Variants in MGAM observed in about 807,000 individuals in gnomAD.
MGAM encodes alpha-1,4-glucosidase.
In MGAM, 253 loss-of-function variants were observed where a neutral mutation model predicts 358.8. That is an observed-to-expected ratio of 0.71 (90% confidence interval 0.64 to 0.78). The LOEUF (loss-of-function observed/expected upper bound fraction) is 0.78, where lower values mean the gene tolerates loss of function less well. Among genes scored for constraint, MGAM ranks in the 30% least tolerant of loss-of-function variants. The pLI, the probability that MGAM is intolerant of heterozygous loss-of-function variation, is 0.00. For missense variants in MGAM, 3,080 were observed against 3,432.6 expected (o/e 0.90, Z 2.57); for synonymous variants, 1,105 against 1,227.1 (o/e 0.90, Z 2.08).
rs201495393 is a variant in MGAM at position 142,055,542 on chromosome 7, C to T, written c.3315-16C>T. ...AAGCTCATTTTCTGTTTCAAATCTG[C>T]GTTTTTGTGTTTCAGTTGGGACTCT... On this transcript the variant is annotated splice_polypyrimidine_tract_variant and intron_variant, in intron 27 of 70. Transcript: ENST00000475668. 1.6e-4 allele frequency: 254 copies of T among 1,613,846 alleles called. No homozygotes were observed. Among genetic ancestry groups the T allele is most frequent in the African/African-American group, 9.9e-4 (74 of 75,014 alleles).
chr7:141,992,399 C>G (rs1803986480), upstream of MGAM, among the ~76,000 whole-genome samples: 1 of 152,104 alleles, frequency 6.6e-6, no homozygotes, highest in Non-Finnish European at 1.5e-5. Context: ...TCTCAATTTC[C>G]TCTTCTGTAA....
At chr7:142,063,609 ACTGGCAGAGC>A in intron 36 of MGAM, 23 bp downstream of exon 36, 1 of 1,609,498 alleles carries the variant, frequency 6.2e-7, no homozygotes. Context: ...GGCCTCCTTG[ACTGGCAGAGC>A]CATGACTGGA....
chr7:142,082,168 G>T lies in MGAM; in HGVS notation c.6129G>T (p.Glu2043Asp). 1.3e-6 allele frequency: 2 copies of T among 1,555,514 alleles called. No individual in the cohort carries two copies. Among genetic ancestry groups the T allele is most frequent in the Non-Finnish European group, 1.8e-6 (2 of 1,132,408 alleles). The change falls in exon 51 of 71, where the codon GAG becomes GAT. Residue 2043 changes from glutamate (E) to aspartate (D), a missense_variant. Glu to Asp is a conservative substitution (Grantham distance 45, BLOSUM62 2). Coordinates refer to ENST00000475668, the MANE Select transcript of MGAM (RefSeq NM_001365693.1). ...TEHTSYRRDL[E>D]WHTWGMFSRD... Reference sequence around the variant, plus strand: ...ACACGTCCTACAGGAGAGACTTGGAGTGGCACACTTGGGGGATGTTCTCCC... The same window carrying T: ...ACACGTCCTACAGGAGAGACTTGGATTGGCACACTTGGGGGATGTTCTCCC...
chr7:142,069,601 G>A (rs1354371132), intron 43 of MGAM, among the ~76,000 whole-genome samples: 2 of 145,588 alleles, frequency 1.4e-5, no homozygotes, highest in Non-Finnish European at 3.1e-5. Flanking sequence ...AGTGAAAAGT[G>A]GAGAAGGATG....
chr7:142,063,359 A>G, intron 35 of MGAM, 140 bp from the exon 36 acceptor site: 1 of 983,988 alleles, frequency 1.0e-6, no homozygotes, highest in Non-Finnish European at 1.5e-6. Context: ...AGTTCTCACC[A>G]GGATTTGATG....
At chr7:142,071,411 G>A (rs1002876582) in intron 44 of MGAM, among the ~76,000 whole-genome samples, 1 of 146,562 alleles carries the variant, frequency 6.8e-6, no homozygotes, top group African/African-American at 2.4e-5. Context: ...ATTCACAAGA[G>A]CTTTTCAGAA....
intron 20 of MGAM, 54 bp from the exon 21 acceptor site, chr7:142,040,668 G>A: frequency 6.3e-7 from 1 of 1,599,458 alleles, no homozygotes; most frequent in Middle Eastern, 1.7e-4. Context: ...TAGATAATCA[G>A]TGAAGGGCAA....
chr7:142,045,171 A>G (rs1237419964), intron 21 of MGAM, among the ~76,000 whole-genome samples: 1 of 65,038 alleles, frequency 1.5e-5, no homozygotes, highest in Non-Finnish European at 2.9e-5. Flanking sequence ...TAATATATAT[A>G]TTATATAACA....
intron 35 of MGAM, 39 bp downstream of exon 35, chr7:142,062,741 T>C: frequency 6.2e-7 from 1 of 1,611,342 alleles, no homozygotes; most frequent in Non-Finnish European, 8.5e-7. Flanking sequence ...GTGGCTCTTG[T>C]CTATCTTTGT....
upstream of MGAM, chr7:141,995,871 C>G (rs1440184384): frequency 6.6e-6 from 1 of 152,172 alleles, no homozygotes; most frequent in Non-Finnish European, 1.5e-5. Flanking sequence ...CTGTGCTCCT[C>G]TGCTTTTATT....
chr7:142,022,045 G>A (rs1376786413), intron 6 of MGAM, among the ~76,000 whole-genome samples: 1 of 152,086 alleles, frequency 6.6e-6, no homozygotes, highest in Non-Finnish European at 1.5e-5. Context: ...TCATGTAGTA[G>A]GCTGTCTGGT....
At chr7:142,090,095 T>G (rs1815220403) in intron 57 of MGAM, among the ~76,000 whole-genome samples, 1 of 146,010 alleles carries the variant, frequency 6.8e-6, no homozygotes, top group South Asian at 2.2e-4. Flanking sequence ...GCCCAGTGTG[T>G]GGGTGGTTAT....
Position 141,987,638 on chromosome 7 carries a change from A to T in MGAM, c.-2-17891A>T, listed in dbSNP as rs145391361. Among the ~76,000 whole-genome samples the T allele has an allele frequency of 6.6e-5, 10 of 152,210 alleles. No individual in the cohort carries two copies. In the East Asian group the frequency reaches 1.9e-3, roughly 29 times the overall value. On this transcript the variant is annotated intron_variant, in intron 2 of 5. Coordinates refer to the MGAM transcript ENST00000465654. ...AAATAATGGGGGTTTCTAGAACAAG[A>T]TTTGAGCTTAAAGAGAAATAGCCAT...
chr7:142,059,526 A>G lies in MGAM; in HGVS notation c.3874A>G (p.Ser1292Gly). The G allele has an allele frequency of 6.2e-7, 1 of 1,613,056 alleles. No individual in the cohort carries two copies. The highest frequency in any genetic ancestry group is 1.1e-5 in the South Asian group (1 of 91,058). Reference protein sequence around the residue: ...YMERQLDFTLSPKFAGFPALI... With the variant: ...YMERQLDFTLGPKFAGFPALI... ...GGAGCGGCAGCTGGACTTCACCCTC[A>G]GCCCCAAGTTTGCTGGGTTTCCAGC... The change falls in exon 32 of 71, where the codon AGC becomes GGC. Residue 1292 changes from serine to glycine, a missense_variant. By Grantham distance (56) the Ser-to-Gly change is moderately conservative. Around this residue, in one of 5 missense-constraint regions of MGAM, gnomAD observed 1,816 missense variants for 1,840.5 expected, o/e 0.99. Coordinates refer to ENST00000475668, the MANE Select transcript of MGAM (RefSeq NM_001365693.1).
At chr7:142,066,005 A>C (rs1056616457) in intron 40 of MGAM, among the ~76,000 whole-genome samples, 174 bp downstream of exon 40, 1 of 135,658 alleles carries the variant, frequency 7.4e-6, no homozygotes, top group South Asian at 2.4e-4. Context: ...TCTGTTGGCC[A>C]GGCTGAATCG....
intron 21 of MGAM, 101 bp downstream of exon 21, chr7:142,040,947 G>T: frequency 7.1e-7 from 1 of 1,409,004 alleles, no homozygotes; most frequent in Non-Finnish European, 9.5e-7. Flanking sequence ...CAGCCTCTTT[G>T]GTTTGGCCAC....
chr7:142,103,663 C>T (rs1203661083), intron 70 of MGAM, among the ~76,000 whole-genome samples: 1 of 152,144 alleles, frequency 6.6e-6, no homozygotes, highest in Non-Finnish European at 1.5e-5. Context: ...TGTTTGTCTT[C>T]TTGTCTGCAA....
intron 3 of MGAM, among the ~76,000 whole-genome samples, chr7:142,013,208 G>A (rs1327218181): frequency 1.3e-5 from 2 of 152,042 alleles, no homozygotes; most frequent in African/African-American, 4.8e-5. Context: ...AGAGCAGGAT[G>A]GGGTGGCACA....
intron 68 of MGAM, among the ~76,000 whole-genome samples, chr7:142,101,704 G>A (rs938338880): frequency 1.3e-5 from 2 of 151,612 alleles, no homozygotes; most frequent in African/African-American, 4.8e-5. Flanking sequence ...TTGGGAGTTC[G>A]AGATCAGCCT....
Sources: allele counts gnomAD v4.1 joint callset (sites outside exome capture counted in the v4.1 genomes callset), GRCh38; gene constraint gnomAD v4.1.1; regional missense constraint gnomAD v4.1.1; transcripts MANE v1.5; gene names NCBI Gene and HGNC (gene_info 2026-07-23, HGNC 2026-07-21).